The following KCNQ3 variants were observed in gnomAD, a reference collection of about 807,000 sequenced individuals.
KCNQ3 encodes the protein potassium voltage-gated channel subfamily Q member 3.
KCNQ3 carries 30 observed loss-of-function variants against 92.5 expected under a neutral mutation model. The ratio of observed to expected loss-of-function variants is 0.32; its 90% CI spans 0.24 to 0.44. KCNQ3 has a LOEUF of 0.44. Ranked by LOEUF, KCNQ3 falls within the 20% of genes least tolerant of loss-of-function variation. The pLI is 1.00. For synonymous variants in KCNQ3, 450 were observed against 468.8 expected (o/e 0.96, Z 0.52); for missense variants, 913 against 1,140.3 (o/e 0.80, Z 2.87).
intron 1 of KCNQ3, among the ~76,000 whole-genome samples, chr8:132,263,433 G>A (rs1273024168): frequency 6.6e-6 from 1 of 152,206 alleles, no homozygotes. Flanking sequence ...GTTCCCTGAA[G>A]TGTGGGCAAG....
chr8:132,227,084 TG>T (rs1275231179), intron 1 of KCNQ3, among the ~76,000 whole-genome samples: 1 of 146,748 alleles, frequency 6.8e-6, no homozygotes, highest in East Asian at 2.0e-4. Context: ...TTTTTTTAGA[TG>T]GAGTCTCGCT....
At chr8:132,261,425 C>T (rs183844700) in intron 1 of KCNQ3, among the ~76,000 whole-genome samples, 1 of 152,314 alleles carries the variant, frequency 6.6e-6, no homozygotes, top group Admixed American at 6.5e-5. Flanking sequence ...GCCAATGTGG[C>T]CTGAGTCTCT....
chr8:132,214,838 C>G (rs1459591363), intron 1 of KCNQ3, among the ~76,000 whole-genome samples: 3 of 152,208 alleles, frequency 2.0e-5, no homozygotes, highest in South Asian at 4.1e-4. Flanking sequence ...TGTTTGGCAC[C>G]TGGGGCATTG....
intron 1 of KCNQ3, among the ~76,000 whole-genome samples, chr8:132,283,090 CTCGTGTGTGT>C (rs1431171726): frequency 7.3e-6 from 1 of 137,752 alleles, no homozygotes; most frequent in Non-Finnish European, 1.5e-5. Context: ...CTCTCTCTCT[CTCGTGTGTGT>C]GTGTGTGTGT....
At chr8:132,184,509 G>C in intron 2 of KCNQ3, 142 bp from the exon 3 acceptor site, 1 of 791,808 alleles carries the variant, frequency 1.3e-6, no homozygotes, top group Non-Finnish European at 2.1e-6. Flanking sequence ...TGGGGATGGG[G>C]GTGGGGAAGG....
intron 1 of KCNQ3, among the ~76,000 whole-genome samples, chr8:132,223,703 A>G (rs1814311171): frequency 6.6e-6 from 1 of 152,126 alleles, no homozygotes; most frequent in South Asian, 2.1e-4. Flanking sequence ...TGCGTGGAGT[A>G]TGGTTGGATT....
chr8:132,317,329 T>A (rs1028820069), intron 1 of KCNQ3, among the ~76,000 whole-genome samples: 2 of 152,178 alleles, frequency 1.3e-5, no homozygotes, highest in African/African-American at 4.8e-5. Context: ...AAAACATGCC[T>A]AAAAACCATC....
intron 1 of KCNQ3, among the ~76,000 whole-genome samples, chr8:132,406,104 C>T (rs1820471394): frequency 6.6e-6 from 1 of 152,134 alleles, no homozygotes; most frequent in Non-Finnish European, 1.5e-5. Flanking sequence ...TTTCATAAGG[C>T]CATGGTGAGG....
chr8:132,475,369 TG>T (rs1822387593), intron 1 of KCNQ3, among the ~76,000 whole-genome samples: 1 of 152,200 alleles, frequency 6.6e-6, no homozygotes, highest in Non-Finnish European at 1.5e-5. Flanking sequence ...TGGGAAGGTT[TG>T]GAACTTCCCA....
At chr8:132,134,521 TGAGGAGAGGAGAGGG>T in intron 12 of KCNQ3, 133 bp from the exon 13 acceptor site, 11 of 647,644 alleles carry the variant, frequency 1.7e-5, no homozygotes, top group Non-Finnish European at 2.7e-5. Flanking sequence ...AGAGGAGAAG[TGAGGAGAGGAGAGGG>T]GAGGAGAGGA....
At chr8:132,274,555 A>G (rs183772699) in intron 1 of KCNQ3, among the ~76,000 whole-genome samples, 2 of 152,300 alleles carry the variant, frequency 1.3e-5, no homozygotes, top group East Asian at 3.9e-4. Flanking sequence ...TACAGAATAT[A>G]GTGCTCCCCT....
At chr8:132,276,136 G>T (rs1262168960) in intron 1 of KCNQ3, among the ~76,000 whole-genome samples, 2 of 152,122 alleles carry the variant, frequency 1.3e-5, no homozygotes, top group African/African-American at 4.8e-5. Flanking sequence ...TTCGGCAAAG[G>T]AGCCAAATCG....
At chr8:132,451,218 G>C (rs933253768) in intron 1 of KCNQ3, among the ~76,000 whole-genome samples, 1 of 152,188 alleles carries the variant, frequency 6.6e-6, no homozygotes, top group Admixed American at 6.5e-5. Flanking sequence ...CTTGCCTGCT[G>C]CCATGTAAAA....
In KCNQ3 at chr8:132,447,196, C is replaced by T. The variant is rs901470651; in HGVS notation, c.386+32951G>A. 8 of 1,535,050 alleles carry T rather than the reference C, an allele frequency of 5.2e-6. No individual in the cohort carries two copies. In the African/African-American group the frequency reaches 8.2e-5, roughly 16 times the overall value. ...TATCCCCAAAATGAGAATCCAAAGACTTACATCGTGGCGTGTTCTGCAGGC... is the reference window on the plus strand; with the variant it reads ...TATCCCCAAAATGAGAATCCAAAGATTTACATCGTGGCGTGTTCTGCAGGC... On this transcript the variant is annotated intron_variant, in intron 1 of 14. Coordinates refer to ENST00000388996, the MANE Select transcript of KCNQ3 (RefSeq NM_004519.4).
chr8:132,466,195 C>T (rs188597494), intron 1 of KCNQ3, among the ~76,000 whole-genome samples: 64 of 151,736 alleles, frequency 4.2e-4, no homozygotes, highest in Non-Finnish European at 3.5e-4. Flanking sequence ...CATTTTTTTC[C>T]GGAATGACAA....
rs1284135753 is a variant in KCNQ3 at position 132,129,561 on chromosome 8, T to C, written c.2320A>G (p.Ile774Val). 12 of 1,613,904 alleles carry C rather than the reference T, an allele frequency of 7.4e-6. No individual in the cohort carries two copies. The highest frequency in any genetic ancestry group is 1.7e-5 in the Admixed American group (1 of 59,996). The part of the protein sequence containing the change: ...ADLQGPYSDR[I>V]SPRQRRSITR... Reference sequence around the variant, plus strand: ...ATGCTACGTCTCTGCCGGGGGGAGATTCGGTCCGAGTAGGGGCCCTGCAGG... The same window carrying C: ...ATGCTACGTCTCTGCCGGGGGGAGACTCGGTCCGAGTAGGGGCCCTGCAGG... The change falls in exon 15 of 15, where the codon ATC (isoleucine) becomes GTC (valine). Residue 774 changes from isoleucine (I) to valine (V), a missense_variant. Coordinates refer to ENST00000388996, the MANE Select transcript of KCNQ3 (RefSeq NM_004519.4). This position sits in a 1 kb window ranked among gnomAD's most constrained non-coding sequence, Gnocchi z 5.9.
chr8:132,151,672 G>A (rs919735387), intron 9 of KCNQ3, among the ~76,000 whole-genome samples: 1 of 152,154 alleles, frequency 6.6e-6, no homozygotes, highest in South Asian at 2.1e-4. Flanking sequence ...ATTTATGGTA[G>A]TATGTAATTC....
At chr8:132,426,751 C>A (rs1436074363) in intron 1 of KCNQ3, among the ~76,000 whole-genome samples, 1 of 152,168 alleles carries the variant, frequency 6.6e-6, no homozygotes, top group Admixed American at 6.5e-5. Flanking sequence ...AACCAAAACA[C>A]AAATTCCTAT....
At chr8:132,214,182 G>A (rs927055592) in intron 1 of KCNQ3, among the ~76,000 whole-genome samples, 22 of 152,198 alleles carry the variant, frequency 1.4e-4, no homozygotes, top group Admixed American at 6.5e-4. Context: ...CTGAGCTACA[G>A]TTCCCTCCTG....
Sources: gnomAD v4.1 joint callset for allele counts (sites outside exome capture counted in the v4.1 genomes callset) on GRCh38, gnomAD v4.1.1 for gene constraint, Gnocchi (gnomAD v3.1) non-coding constraint, MANE v1.5 for transcripts, NCBI Gene and HGNC (gene_info 2026-07-23, HGNC 2026-07-21) for gene names.